Variants in ADGB observed in about 807,000 individuals in gnomAD.
ADGB encodes calpain-7-like protein.
Under a neutral mutation model 210.5 loss-of-function variants are expected in ADGB, and 172 were observed. The observed-to-expected ratio is 0.82, with a 90% CI of 0.72 to 0.93. The LOEUF is 0.93. Ranked by LOEUF, ADGB falls within the 40% of genes least tolerant of loss-of-function variation. The probability of loss-of-function intolerance (pLI) is 0.00; values close to 1 mark genes in which losing one functional copy is unlikely to be tolerated. For synonymous variants in ADGB, 658 were observed against 662.7 expected, an observed-to-expected ratio of 0.99 and a Z score of 0.11; for missense variants, 2,025 against 1,964.8, an observed-to-expected ratio of 1.03 and a Z score of -0.58.
intron 26 of ADGB, among the ~76,000 whole-genome samples, chr6:146,749,783 C>T (rs55686440): frequency 0.13 from 19,866 of 151,410 alleles, 1,654 homozygotes; most frequent in East Asian, 0.38. Flanking sequence ...TGGCAGAAGA[C>T]GAAAAGGAAG....
At chr6:146,651,546 C>T (rs916502539) in intron 3 of ADGB, among the ~76,000 whole-genome samples, 3 of 152,178 alleles carry the variant, frequency 2.0e-5, no homozygotes, top group African/African-American at 7.2e-5. Context: ...CATGTACCCG[C>T]GGTCCAGGAG....
chr6:146,815,302 G>A lies in ADGB; in HGVS notation c.*85G>A. 2 of 1,054,618 alleles carry A rather than the reference G, an allele frequency of 1.9e-6. No individual in the cohort carries two copies. Among genetic ancestry groups the A allele is most frequent in the South Asian group, 2.9e-5 (1 of 34,824 alleles). 65.3% of individuals were successfully genotyped at this position (1,054,618 alleles called of 1,614,324 possible). ...TTAACTGCCTGCTGTTAAGATATTA[G>A]GCCAAATGAAAATAGAAATTTCTCT... On this transcript the variant is annotated 3_prime_UTR_variant, in exon 36 of 36. Coordinates refer to ENST00000397944, the MANE Select transcript of ADGB (RefSeq NM_024694.4).
In ADGB at chr6:146,788,555, A is replaced by G. The variant is rs1171377474; in HGVS notation, c.4482A>G (p.Gly1494=). 3.2e-6 allele frequency: 5 copies of G among 1,551,592 alleles called. No homozygotes were observed. The highest frequency in any genetic ancestry group is 1.7e-4 in the Middle Eastern group (1 of 6,012). ...VAKSTSSESG[G]VSSPGKEERE... is the part of the protein sequence containing the mutation. ...AATCCACGAGTAGCGAAAGTGGAGG[A>G]GTGTCTTCACCAGGGAAAGAAGAGC... The change falls in exon 33 of 36, where the codon GGA becomes GGG. Residue 1494 remains glycine, a synonymous_variant. Transcript: ENST00000397944.
intron 1 of ADGB, among the ~76,000 whole-genome samples, chr6:146,618,798 G>A (rs1011244920): frequency 6.6e-6 from 1 of 150,444 alleles, no homozygotes; most frequent in Non-Finnish European, 1.5e-5. Flanking sequence ...AATGTTTCAT[G>A]TGCTGTTGAG....
chr6:146,601,100 C>T (rs1780550114), intron 1 of ADGB, among the ~76,000 whole-genome samples: 1 of 152,112 alleles, frequency 6.6e-6, no homozygotes, highest in Non-Finnish European at 1.5e-5. Context: ...CATAAAGAAA[C>T]TTATCAAACC....
intron 27 of ADGB, among the ~76,000 whole-genome samples, chr6:146,761,963 C>T (rs772057410): frequency 7.2e-5 from 11 of 152,106 alleles, no homozygotes; most frequent in Non-Finnish European, 8.8e-5. Context: ...CCAACATCTT[C>T]ACATGACCCT....
At chr6:146,705,603 A>G (rs902725412) in intron 13 of ADGB, among the ~76,000 whole-genome samples, 1 of 152,174 alleles carries the variant, frequency 6.6e-6, no homozygotes, top group African/African-American at 2.4e-5. Context: ...ATGTCAAACC[A>G]TCCTTGCATC....
At chr6:146,671,234 T>C (rs1463561125) in intron 7 of ADGB, among the ~76,000 whole-genome samples, 1 of 152,162 alleles carries the variant, frequency 6.6e-6, no homozygotes, top group Non-Finnish European at 1.5e-5. Flanking sequence ...TTTTGAAAGA[T>C]TGCTCAGAGC....
At chr6:146,774,146 T>C (rs1334734348) in intron 29 of ADGB, among the ~76,000 whole-genome samples, 2 of 152,154 alleles carry the variant, frequency 1.3e-5, no homozygotes, top group African/African-American at 4.8e-5. Context: ...ACAAAAGTAA[T>C]ATAAAGACGT....
chr6:146,686,102 T>C (rs1338866595), intron 10 of ADGB, among the ~76,000 whole-genome samples: 1 of 152,062 alleles, frequency 6.6e-6, no homozygotes, highest in Non-Finnish European at 1.5e-5. Context: ...CCTTCTGTTA[T>C]AATCAAAAAG....
intron 18 of ADGB, 181 bp from the exon 19 acceptor site, chr6:146,725,902 T>C (rs1170115452): frequency 4.5e-6 from 2 of 446,952 alleles, no homozygotes; most frequent in African/African-American, 3.9e-5. Flanking sequence ...GTAGATTTCA[T>C]GATCCCGTAG....
intron 13 of ADGB, among the ~76,000 whole-genome samples, chr6:146,713,803 T>A (rs1776692862): frequency 6.6e-6 from 1 of 151,956 alleles, no homozygotes. Flanking sequence ...GCTTTTGGAG[T>A]CATATCTAAG....
At chr6:146,633,949 T>A (rs1390950309) in intron 1 of ADGB, among the ~76,000 whole-genome samples, 1 of 152,124 alleles carries the variant, frequency 6.6e-6, no homozygotes, top group Non-Finnish European at 1.5e-5. Context: ...TGTACAGTAA[T>A]CTCCCAGGCC....
intron 29 of ADGB, among the ~76,000 whole-genome samples, chr6:146,771,993 T>A (rs920356477): frequency 7.9e-5 from 12 of 152,234 alleles, no homozygotes; most frequent in Non-Finnish European, 1.8e-4. Flanking sequence ...TAACTCTTTA[T>A]AATTCTGATT....
At position 146,736,572 on chromosome 6, in the gene ADGB, T is replaced by C. The variant is rs1211597295; in HGVS notation, c.2869T>C (p.Tyr957His). 9 of 1,548,084 alleles carry C rather than the reference T, an allele frequency of 5.8e-6. No homozygotes were observed. Among genetic ancestry groups the C allele is most frequent in the South Asian group, 1.2e-5 (1 of 83,454 alleles). The change falls in exon 23 of 36, where the codon TAT (tyrosine) becomes CAT (histidine). Residue 957 changes from tyrosine (Y) to histidine (H), a missense_variant. Tyr to His is a moderately conservative substitution (Grantham distance 83). Coordinates refer to ENST00000397944, the MANE Select transcript of ADGB (RefSeq NM_024694.4). ...TGTATTGGAAATGAATTTAGAACAG[T>C]ATGCAGTTTCTCTCTTAAGGTAAAG... ...WAVLEMNLEQYAVSLLRLMFK... is the reference protein window; with the variant it reads ...WAVLEMNLEQHAVSLLRLMFK...
At chr6:146,810,672 C>T (rs1193351012) in intron 35 of ADGB, among the ~76,000 whole-genome samples, 1 of 152,034 alleles carries the variant, frequency 6.6e-6, no homozygotes, top group Non-Finnish European at 1.5e-5. Flanking sequence ...ACATGTAGGG[C>T]ATTATGCTAA....
chr6:146,692,637 T>G (rs531559639), intron 11 of ADGB, among the ~76,000 whole-genome samples, 188 bp from the exon 12 acceptor site: 1 of 152,324 alleles, frequency 6.6e-6, no homozygotes, highest in East Asian at 1.9e-4. Flanking sequence ...AGAAATTGAA[T>G]ACCGTAAAGA....
chr6:146,718,896 G>A (rs1168339905), intron 16 of ADGB, among the ~76,000 whole-genome samples: 6 of 152,036 alleles, frequency 3.9e-5, no homozygotes, highest in Admixed American at 6.6e-5. Flanking sequence ...TAGTCCTGGA[G>A]TATGTGAAAA....
At chr6:146,742,340 T>C (rs1777173410) in intron 25 of ADGB, among the ~76,000 whole-genome samples, 1 of 151,856 alleles carries the variant, frequency 6.6e-6, no homozygotes, top group African/African-American at 2.4e-5. Context: ...TATTTTTCTA[T>C]CATTTTTAAT....
Sources: gnomAD v4.1 joint callset for allele counts (sites outside exome capture counted in the v4.1 genomes callset) on GRCh38, gnomAD v4.1.1 for gene constraint, MANE v1.5 for transcripts, NCBI Gene and HGNC (gene_info 2026-07-23, HGNC 2026-07-21) for gene names.